The following ANKH variants were observed in gnomAD, a reference collection of about 807,000 sequenced individuals.
The protein encoded by ANKH is ANKH inorganic pyrophosphate transport regulator.
Under a neutral mutation model 49.0 loss-of-function variants are expected in ANKH, and 15 were observed. That is an observed-to-expected ratio of 0.31 (90% confidence interval 0.20 to 0.47). The LOEUF is 0.47. Ranked by LOEUF, ANKH falls within the 20% of genes least tolerant of loss-of-function variation. The pLI is 1.00. For synonymous variants in ANKH, 273 were observed against 260.0 expected (o/e 1.05, Z -0.48); for missense variants, 429 against 652.0 (o/e 0.66, Z 3.72).
chr5:14,712,475 TC>T (rs1737258608), intron 11 of ANKH, among the ~76,000 whole-genome samples: 1 of 152,254 alleles, frequency 6.6e-6, no homozygotes, highest in African/African-American at 2.4e-5. Flanking sequence ...CGAGCTCCTG[TC>T]TTGGACTGCC....
In ANKH at chr5:14,725,795, G is replaced by A. The variant is rs1737804552; in HGVS notation, c.1012-8960C>T. Among the ~76,000 whole-genome samples, 1 of 152,114 alleles carries A rather than the reference G, an allele frequency of 6.6e-6. No individual in the cohort carries two copies. The highest frequency in any genetic ancestry group is 1.5e-5 in the Non-Finnish European group (1 of 68,034). ...GCAGCCTTGCTCTGTTGCCAGGCTG[G>A]AGTGCAGTGGCACGATCTTGGCTCA... On this transcript the variant is annotated intron_variant, in intron 8 of 11. Transcript: ENST00000284268. The surrounding 1 kb of genome is among the most constrained non-coding windows in gnomAD (Gnocchi z 4.0).
chr5:14,770,154 T>G lies in ANKH; in HGVS notation c.97-963A>C, dbSNP rs1739388925. On this transcript the variant is annotated intron_variant, in intron 1 of 11. Coordinates refer to ENST00000284268, the MANE Select transcript of ANKH (RefSeq NM_054027.6). This position sits in a 1 kb window ranked among gnomAD's most constrained non-coding sequence, Gnocchi z 4.1. ...TTATATATTTTTAGAAAATAGACTG[T>G]TTTTAAGGCAGTTTTAGGTTCACAG... Among the ~76,000 whole-genome samples the G allele has an allele frequency of 6.6e-6, 1 of 152,154 alleles. No individual in the cohort carries two copies. Among genetic ancestry groups the G allele is most frequent in the South Asian group, 2.1e-4 (1 of 4,828 alleles).
At chr5:14,817,846 G>A (rs1263517363) in intron 1 of ANKH, among the ~76,000 whole-genome samples, 2 of 152,026 alleles carry the variant, frequency 1.3e-5, no homozygotes, top group African/African-American at 2.4e-5. Flanking sequence ...AAAGGAAAAA[G>A]CAAGATTTAA....
At chr5:14,814,418 T>C (rs181676874) in intron 1 of ANKH, among the ~76,000 whole-genome samples, 22 of 152,226 alleles carry the variant, frequency 1.4e-4, no homozygotes, top group Admixed American at 5.2e-4. Context: ...CTGGGCAACA[T>C]ACCAAGACCT....
chr5:14,784,143 C>A (rs1431195091), intron 1 of ANKH, among the ~76,000 whole-genome samples: 1 of 152,242 alleles, frequency 6.6e-6, no homozygotes, highest in Non-Finnish European at 1.5e-5. Flanking sequence ...GGCGGTACTG[C>A]ACATTCTTGA....
In ANKH at chr5:14,751,219, C is replaced by T; in HGVS notation, c.537G>A (p.Leu179=). ...CCCGGCATTCCAGGTGACTGTGAAG[C>T]AAAATGGCTACAAAAACAACCTGAG... ...VIAQVVFVAI[L]LHSHLECREP... is the part of the protein sequence containing the mutation. The change falls in exon 5 of 12, where the codon TTG becomes TTA. Residue 179 remains leucine (L), a synonymous_variant. Coordinates refer to ENST00000284268, the MANE Select transcript of ANKH (RefSeq NM_054027.6). The T allele has an allele frequency of 6.2e-7, 1 of 1,614,136 alleles. No homozygotes were observed. The highest frequency in any genetic ancestry group is 8.5e-7 in the Non-Finnish European group (1 of 1,180,024).
At chr5:14,866,114 C>T (rs551151733) in intron 1 of ANKH, among the ~76,000 whole-genome samples, 1 of 152,326 alleles carries the variant, frequency 6.6e-6, no homozygotes, top group African/African-American at 2.4e-5. Context: ...TCAAAAGATT[C>T]TCCTGCCTCA....
intron 1 of ANKH, among the ~76,000 whole-genome samples, chr5:14,825,070 T>C (rs954577057): frequency 4.1e-4 from 63 of 152,236 alleles, no homozygotes; most frequent in African/African-American, 1.3e-3. Flanking sequence ...TATTGAAAAA[T>C]AGGTACTTTC....
intron 1 of ANKH, among the ~76,000 whole-genome samples, chr5:14,822,693 T>C (rs960412062): frequency 2.6e-5 from 4 of 152,152 alleles, no homozygotes; most frequent in Non-Finnish European, 4.4e-5. Context: ...ATCCCAGAAA[T>C]ACACGAAAAC....
chr5:14,855,087 C>T (rs915663410), intron 1 of ANKH, among the ~76,000 whole-genome samples: 5 of 152,200 alleles, frequency 3.3e-5, no homozygotes, highest in African/African-American at 9.7e-5. Context: ...GGTCTTATTA[C>T]CTGCTCCACT....
At chr5:14,774,477 G>A (rs186646188) in intron 1 of ANKH, among the ~76,000 whole-genome samples, 5 of 151,736 alleles carry the variant, frequency 3.3e-5, no homozygotes, top group African/African-American at 7.3e-5. Flanking sequence ...GCGCTCTGTC[G>A]CCCAGTCTGG....
At chr5:14,826,014 C>T (rs1337417686) in intron 1 of ANKH, 3 of 153,984 alleles carry the variant, frequency 1.9e-5, no homozygotes, top group African/African-American at 4.8e-5. Context: ...AAGTAAGGGT[C>T]CTAACTAATT....
intron 1 of ANKH, among the ~76,000 whole-genome samples, chr5:14,789,613 C>T (rs1339762779): frequency 1.3e-5 from 2 of 152,146 alleles, no homozygotes; most frequent in East Asian, 3.8e-4. Flanking sequence ...AGGGAATCTC[C>T]TAAAATTGTT....
At chr5:14,757,430 A>ATATATATATATTTTTTT (rs1379233165) in intron 3 of ANKH, among the ~76,000 whole-genome samples, 41 of 113,770 alleles carry the variant, frequency 3.6e-4, no homozygotes, top group African/African-American at 1.3e-3. Context: ...ATATATATAT[A>ATATATATATATTTTTTT]TTTTTTTTTT....
Position 14,749,231 on chromosome 5 carries a change from G to T in ANKH, c.763C>A (p.Arg255=). The T allele has an allele frequency of 6.2e-7, 1 of 1,614,102 alleles. No individual in the cohort carries two copies. The highest frequency in any genetic ancestry group is 8.5e-7 in the Non-Finnish European group (1 of 1,179,990). ...GAAACAAAGAGGTTGACAATAGGCC[G>T]ACTGATTCTCTGTGTGGCCAGAATT... is the stretch of plus-strand genomic sequence containing the variant. ...ALILATQRIS[R]PIVNLFVSRD... is the part of the protein sequence containing the mutation. The change falls in exon 6 of 12, where the codon CGG becomes AGG. Residue 255 remains arginine, a synonymous_variant. Coordinates refer to ENST00000284268, the MANE Select transcript of ANKH (RefSeq NM_054027.6).
chr5:14,831,086 A>C (rs1237466073), intron 1 of ANKH, among the ~76,000 whole-genome samples: 1 of 152,212 alleles, frequency 6.6e-6, no homozygotes, highest in Non-Finnish European at 1.5e-5. Context: ...GAATGAGGAC[A>C]AGGATAGTTC....
chr5:14,754,100 C>T (rs1241218384), intron 4 of ANKH, among the ~76,000 whole-genome samples: 2 of 152,212 alleles, frequency 1.3e-5, no homozygotes, highest in African/African-American at 4.8e-5. Context: ...ATAACTACTC[C>T]ACCAGGCACA....
intron 1 of ANKH, among the ~76,000 whole-genome samples, chr5:14,813,680 C>T (rs1740951568): frequency 6.6e-6 from 1 of 152,146 alleles, no homozygotes; most frequent in African/African-American, 2.4e-5. Context: ...TGGGACCTGG[C>T]ACCTAATCTG....
At chr5:14,762,799 C>T (rs1002468544) in intron 2 of ANKH, among the ~76,000 whole-genome samples, 21 of 152,282 alleles carry the variant, frequency 1.4e-4, no homozygotes, top group Non-Finnish European at 2.2e-4. Flanking sequence ...AGGCTAGCTG[C>T]CTTAGCAATA....
Sources: gnomAD v4.1 joint callset for allele counts (sites outside exome capture counted in the v4.1 genomes callset) on GRCh38, gnomAD v4.1.1 for gene constraint, Gnocchi (gnomAD v3.1) non-coding constraint, MANE v1.5 for transcripts, NCBI Gene and HGNC (gene_info 2026-07-23, HGNC 2026-07-21) for gene names.